Variants in ZFHX3 observed in about 807,000 individuals in gnomAD.
ZFHX3 encodes zinc finger homeobox 3.
A neutral mutation model predicts 279.1 loss-of-function variants in ZFHX3; 42 were observed. That is an observed-to-expected ratio of 0.15 (90% CI 0.12 to 0.19). The LOEUF (loss-of-function observed/expected upper bound fraction) is 0.19, where lower values mean the gene tolerates loss of function less well. ZFHX3 is among the 10% of genes least tolerant of loss of function. The pLI is 1.00. For missense variants in ZFHX3, 4,981 were observed against 4,754.0 expected (o/e 1.05, Z -1.40); for synonymous variants, 2,293 against 1,957.8 (o/e 1.17, Z -4.52).
chr16:73,241,671 T>A (rs1435431980), intron 5 of ZFHX3, among the ~76,000 whole-genome samples: 2 of 151,266 alleles, frequency 1.3e-5, no homozygotes, highest in African/African-American at 4.9e-5. Context: ...ATGCCTATAA[T>A]CCCAGCTACT....
At chr16:73,612,799 A>G (rs978043174) in intron 2 of ZFHX3, among the ~76,000 whole-genome samples, 1 of 152,202 alleles carries the variant, frequency 6.6e-6, no homozygotes, top group Non-Finnish European at 1.5e-5. Flanking sequence ...AATTAGCTGC[A>G]TTCTGAAAGC....
intron 3 of ZFHX3, among the ~76,000 whole-genome samples, chr16:73,414,630 G>A (rs1481175391): frequency 6.6e-6 from 1 of 152,206 alleles, no homozygotes; most frequent in African/African-American, 2.4e-5. Context: ...GAGCCCAGAA[G>A]TTTGAGACCA....
intron 5 of ZFHX3, among the ~76,000 whole-genome samples, chr16:73,164,474 T>G (rs1045868857): frequency 2.2e-4 from 34 of 152,090 alleles, no homozygotes; most frequent in African/African-American, 6.3e-4. Flanking sequence ...CCAAGGCGGG[T>G]GGATCACTTG....
intron 2 of ZFHX3, among the ~76,000 whole-genome samples, chr16:73,472,491 T>C (rs1034123642): frequency 2.6e-5 from 4 of 152,146 alleles, no homozygotes; most frequent in Admixed American, 2.6e-4. Context: ...ATTTTCTACT[T>C]CACCAGTGGG....
At chr16:73,799,686 T>C (rs1185016759) in intron 1 of ZFHX3, among the ~76,000 whole-genome samples, 1 of 152,150 alleles carries the variant, frequency 6.6e-6, no homozygotes, top group Non-Finnish European at 1.5e-5. Context: ...AGTTCTTCCT[T>C]GAAACCTCCT....
At chr16:73,443,090 T>A (rs1273473896) in intron 3 of ZFHX3, among the ~76,000 whole-genome samples, 1 of 152,124 alleles carries the variant, frequency 6.6e-6, no homozygotes, top group African/African-American at 2.4e-5. Context: ...TTCTGAGGTA[T>A]GGGGATTAGA....
intron 4 of ZFHX3, among the ~76,000 whole-genome samples, chr16:73,281,177 A>C (rs2014450080): frequency 6.6e-6 from 1 of 152,124 alleles, no homozygotes. Flanking sequence ...AGATATCTGC[A>C]CTCTCATGTT....
chr16:73,412,405 A>T (rs2017489240), intron 3 of ZFHX3, among the ~76,000 whole-genome samples: 1 of 151,660 alleles, frequency 6.6e-6, no homozygotes, highest in South Asian at 2.1e-4. Context: ...TGCACACTGT[A>T]CCCATTCCAC....
intron 3 of ZFHX3, among the ~76,000 whole-genome samples, chr16:73,392,562 G>A (rs75898169): frequency 0.017 from 2,524 of 152,108 alleles, 74 homozygotes; most frequent in African/African-American, 0.058. Flanking sequence ...AGCTAGATAG[G>A]GGATTTTGGG....
At chr16:73,638,755 A>G (rs1223980272) in intron 2 of ZFHX3, among the ~76,000 whole-genome samples, 1 of 152,198 alleles carries the variant, frequency 6.6e-6, no homozygotes, top group African/African-American at 2.4e-5. Context: ...TACAAAGCAC[A>G]GTGCCACAAA....
intron 3 of ZFHX3, among the ~76,000 whole-genome samples, chr16:73,390,144 A>G (rs1219796719): frequency 6.6e-6 from 1 of 152,120 alleles, no homozygotes; most frequent in Non-Finnish European, 1.5e-5. Flanking sequence ...TTGCTTCTCC[A>G]GGTTAAAAAA....
At chr16:73,457,470 CACTTACAAA>C (rs2018393014) in intron 2 of ZFHX3, among the ~76,000 whole-genome samples, 1 of 152,174 alleles carries the variant, frequency 6.6e-6, no homozygotes, top group Non-Finnish European at 1.5e-5. Flanking sequence ...CACATTCAGA[CACTTACAAA>C]ACGAGGGAGT....
chr16:72,810,696 A>G (rs1261721872), intron 7 of ZFHX3, among the ~76,000 whole-genome samples: 2 of 152,150 alleles, frequency 1.3e-5, no homozygotes, highest in Non-Finnish European at 2.9e-5. Flanking sequence ...ACGAATCAGC[A>G]ATATCCAGCT....
At chr16:73,375,827 A>T (rs933463451) in intron 3 of ZFHX3, among the ~76,000 whole-genome samples, 3 of 152,202 alleles carry the variant, frequency 2.0e-5, no homozygotes, top group Admixed American at 6.5e-5. Context: ...ATTTTTTTAT[A>T]GGTCTTTTTG....
At chr16:73,128,602 T>C (rs1175961761) in intron 7 of ZFHX3, among the ~76,000 whole-genome samples, 1 of 152,128 alleles carries the variant, frequency 6.6e-6, no homozygotes, top group African/African-American at 2.4e-5. Context: ...CAGGAACAAA[T>C]GACACTGACT....
At chr16:73,682,370 T>C (rs8054457) in intron 1 of ZFHX3, among the ~76,000 whole-genome samples, 18,700 of 152,160 alleles carry the variant, frequency 0.12, 1,406 homozygotes, top group African/African-American at 0.2. Flanking sequence ...CACATGGGAA[T>C]GTTGTTTTGG....
intron 2 of ZFHX3, among the ~76,000 whole-genome samples, chr16:73,617,708 C>G (rs1057458714): frequency 1.2e-5 from 1 of 80,896 alleles, no homozygotes. Flanking sequence ...CTGAGGAAAC[C>G]TTGATAGGCA....
chr16:73,636,330 G>A (rs2052526858), intron 2 of ZFHX3, among the ~76,000 whole-genome samples: 1 of 151,924 alleles, frequency 6.6e-6, no homozygotes, highest in Non-Finnish European at 1.5e-5. Context: ...ATGAAACCCT[G>A]GCAACAAAAA....
intron 8 of ZFHX3, among the ~76,000 whole-genome samples, chr16:73,091,722 A>G (rs1966085067): frequency 6.6e-6 from 1 of 152,226 alleles, no homozygotes; most frequent in Non-Finnish European, 1.5e-5. Flanking sequence ...TTCATTCAGA[A>G]ATTCGCAAAA....
Sources: allele counts gnomAD v4.1 joint callset (sites outside exome capture counted in the v4.1 genomes callset), GRCh38; gene constraint gnomAD v4.1.1; transcripts MANE v1.5; gene names NCBI Gene and HGNC (gene_info 2026-07-23, HGNC 2026-07-21).